RRP12: variants seen among roughly 807,000 people sequenced by gnomAD.
RRP12 encodes ribosomal RNA processing 12 homolog.
Under a neutral mutation model 157.3 loss-of-function variants are expected in RRP12, and 78 were observed. That is an observed-to-expected ratio of 0.50 (90% confidence interval 0.41 to 0.60). The LOEUF is 0.60. RRP12 is among the 20% of genes least tolerant of loss of function. The pLI is 0.00. For synonymous variants in RRP12, 726 were observed against 670.9 expected (o/e 1.08, Z -1.27); for missense variants, 1,521 against 1,679.9 (o/e 0.91, Z 1.65).
At chr10:97,376,719 A>G (rs1379646568) in intron 15 of RRP12, among the ~76,000 whole-genome samples, 1 of 151,776 alleles carries the variant, frequency 6.6e-6, no homozygotes, top group African/African-American at 2.4e-5. Flanking sequence ...CCATCCCCCA[A>G]CGGTAACAAC....
At chr10:97,389,826 C>A (rs976922793) in intron 6 of RRP12, among the ~76,000 whole-genome samples, 1 of 152,092 alleles carries the variant, frequency 6.6e-6, no homozygotes, top group African/African-American at 2.4e-5. Flanking sequence ...GATTCTCCTG[C>A]CTCAGCCTCC....
Position 97,398,870 on chromosome 10 carries a change from C to G in RRP12, c.369+1435G>C, listed in dbSNP as rs143284632. Among the ~76,000 whole-genome samples the G allele has an allele frequency of 2.5e-3, 379 of 152,064 alleles. 2 individuals are homozygous for G. The Middle Eastern group carries it at 0.065, about 26-fold the overall frequency. ...TAGGGGTATATGGGTAAATTATACA[C>G]TAGATTTTGAAGACTTGGTATCATA... On this transcript the variant is annotated intron_variant, in intron 2 of 33. Transcript: ENST00000370992.
At chr10:97,370,355 C>T in intron 23 of RRP12, 81 bp from the exon 24 acceptor site, 1 of 1,358,992 alleles carries the variant, frequency 7.4e-7, no homozygotes, top group Non-Finnish European at 1.0e-6. Context: ...AGCAGCCTGC[C>T]CAGGGCCAGG....
Position 97,370,230 on chromosome 10 carries a change from C to A in RRP12, c.2734G>T (p.Gly912Cys). The A allele has an allele frequency of 6.2e-7, 1 of 1,605,738 alleles. No individual in the cohort carries two copies. Among genetic ancestry groups the A allele is most frequent in the Non-Finnish European group, 8.5e-7 (1 of 1,176,708 alleles). ...CTGCAGCTGACCATGGTCACCGCGCCCACCAGGCCAGGGTAGATCAGGACG... is the reference window on the plus strand; with the variant it reads ...CTGCAGCTGACCATGGTCACCGCGCACACCAGGCCAGGGTAGATCAGGACG... ...YLVLIYPGLV[G>C]AVTMVSCSIL... Residue 912 changes from glycine to cysteine, a missense_variant, in exon 24 of 34, where the codon GGC becomes TGC. Gly to Cys is a radical substitution (Grantham distance 159, BLOSUM62 -3). Coordinates refer to ENST00000370992, the MANE Select transcript of RRP12 (RefSeq NM_015179.4).
chr10:97,373,825 C>T lies in RRP12; in HGVS notation c.1863+5G>A. The stretch of plus-strand genomic sequence containing the variant: ...TCCCCACGCCCTCCCCCAGCTGACC[C>T]TTACCTGCCACTGGAGTGTGTCGTA... On this transcript the variant is annotated splice_donor_5th_base_variant and intron_variant, in intron 16 of 33. Coordinates refer to ENST00000370992, the MANE Select transcript of RRP12 (RefSeq NM_015179.4). The T allele has an allele frequency of 6.2e-7, 1 of 1,613,922 alleles. No homozygotes were observed. The highest frequency in any genetic ancestry group is 8.5e-7 in the Non-Finnish European group (1 of 1,179,892).
At chr10:97,375,949 A>G (rs1844293085) in intron 15 of RRP12, among the ~76,000 whole-genome samples, 1 of 152,004 alleles carries the variant, frequency 6.6e-6, no homozygotes, top group Non-Finnish European at 1.5e-5. Flanking sequence ...ACTAAAAATA[A>G]AAAAATTAGC....
At chr10:97,384,510 G>C (rs1027720233) in intron 10 of RRP12, among the ~76,000 whole-genome samples, 2 of 144,784 alleles carry the variant, frequency 1.4e-5, no homozygotes, top group Non-Finnish European at 3.0e-5. Flanking sequence ...CAGAGGCCCT[G>C]AGAACTCCAT....
intron 1 of RRP12, 80 bp from the exon 2 acceptor site, chr10:97,400,614 C>G (rs937815042): frequency 5.9e-5 from 69 of 1,168,458 alleles, no homozygotes; most frequent in Non-Finnish European, 8.1e-5. Flanking sequence ...AACAAACCAG[C>G]CCAGGCCAAA....
At chr10:97,357,287 A>C in intron 33 of RRP12, 91 bp from the exon 34 acceptor site, 4 of 744,278 alleles carry the variant, frequency 5.4e-6, no homozygotes, top group Non-Finnish European at 8.9e-6. Context: ...CAGCGCCAGC[A>C]GGGATGAGAA....
At chr10:97,365,982 A>C (rs1843964691) in intron 29 of RRP12, 126 bp downstream of exon 29, 3 of 1,326,874 alleles carry the variant, frequency 2.3e-6, no homozygotes, top group Non-Finnish European at 3.1e-6. Context: ...GAGAAACTCA[A>C]AAAGTTTGAG....
rs989771857 is a variant in RRP12 at position 97,360,697 on chromosome 10, G to GTA, written c.3568-81_3568-80dup. The stretch of plus-strand genomic sequence containing the variant: ...CGGGAATGCCAACAGTAACAGCAGA[G>GTA]TACCCTGCATCAAGCAGGAGAGGCC... On this transcript the variant is annotated intron_variant, in intron 30 of 33. Transcript: ENST00000370992. 80 of 1,054,396 alleles carry GTA rather than the reference G, an allele frequency of 7.6e-5. 1 individual carries two copies. In the Admixed American group the frequency reaches 1.3e-3, roughly 17 times the overall value. 65.3% of individuals were successfully genotyped at this position (1,054,396 alleles called of 1,614,324 possible). A position where few individuals can be genotyped will look rare whatever the true frequency, so the allele number is the denominator to read the frequency against.
chr10:97,370,326 G>T (rs1328824121), intron 23 of RRP12, 52 bp from the exon 24 acceptor site: 1 of 1,443,918 alleles, frequency 6.9e-7, no homozygotes, highest in Non-Finnish European at 9.6e-7. Flanking sequence ...CCAGGTAGGG[G>T]GGCTGAGGGC....
chr10:97,384,947 T>G (rs1589432323), intron 10 of RRP12, among the ~76,000 whole-genome samples: 1 of 101,936 alleles, frequency 9.8e-6, no homozygotes, highest in Admixed American at 1.2e-4. Context: ...GCAGCCAGGA[T>G]GAAGACCCTG....
intron 2 of RRP12, 121 bp from the exon 3 acceptor site, chr10:97,396,422 G>T (rs1844967184): frequency 1.3e-6 from 1 of 766,576 alleles, no homozygotes; most frequent in Admixed American, 2.0e-5. Context: ...GACAAGACAG[G>T]CAACATTCAG....
intron 16 of RRP12, 30 bp downstream of exon 16, chr10:97,373,800 T>C (rs752413717): frequency 1.2e-6 from 2 of 1,613,542 alleles, no homozygotes; most frequent in African/African-American, 1.3e-5. Context: ...TGTGTGCTTC[T>C]CCCCACGCCC....
intron 4 of RRP12, among the ~76,000 whole-genome samples, chr10:97,392,601 A>G (rs555518266): frequency 1.3e-5 from 2 of 152,168 alleles, no homozygotes; most frequent in East Asian, 1.9e-4. Context: ...CTCCTGCCTC[A>G]GCCTCCAAAA....
intron 10 of RRP12, among the ~76,000 whole-genome samples, chr10:97,382,329 G>A (rs1844495086): frequency 6.6e-6 from 1 of 151,978 alleles, no homozygotes; most frequent in African/African-American, 2.4e-5. Context: ...ATTTTTTGTA[G>A]AGACAGGATC....
chr10:97,361,863 C>T (rs1449313317), intron 30 of RRP12, among the ~76,000 whole-genome samples: 1 of 152,160 alleles, frequency 6.6e-6, no homozygotes, highest in East Asian at 1.9e-4. Context: ...AATCCTGGCA[C>T]TTTGGGAGGC....
rs998972272 is a variant in RRP12, at chr10:97,364,029, C to T, written c.3518-126G>A. The T allele has an allele frequency of 8.9e-6, 7 of 783,650 alleles. No individual in the cohort carries two copies. In the East Asian group the frequency reaches 1.5e-4, roughly 17 times the overall value. 48.5% of individuals were successfully genotyped at this position (783,650 alleles called of 1,614,324 possible). ...ACTCCGGCCCCAGAAAATTGCCTTC[C>T]TCAGACCAATATCATCCTTCTGCTA... On this transcript the variant is annotated intron_variant, in intron 29 of 33. Transcript: ENST00000370992.
Sources: allele counts gnomAD v4.1 joint callset (sites outside exome capture counted in the v4.1 genomes callset), GRCh38; gene constraint gnomAD v4.1.1; transcripts MANE v1.5; gene names NCBI Gene and HGNC (gene_info 2026-07-23, HGNC 2026-07-21).